Variants in EVC observed in about 807,000 individuals in gnomAD.
The protein encoded by EVC is evC complex member EVC.
A neutral mutation model predicts 118.9 loss-of-function variants in EVC; 116 were observed. That is an observed-to-expected ratio of 0.98 (90% CI 0.84 to 1.14). The LOEUF is 1.14. Ranked by LOEUF, EVC falls within the 50% of genes most tolerant of loss-of-function variation. The pLI, the probability that EVC is intolerant of heterozygous loss-of-function variation, is 0.00. For synonymous variants in EVC, 619 were observed against 534.7 expected, an observed-to-expected ratio of 1.16 and a Z score of -2.18; for missense variants, 1,401 against 1,246.4, an observed-to-expected ratio of 1.12 and a Z score of -1.87.
chr4:5,797,566 A>G (rs78270810), intron 14 of EVC, among the ~76,000 whole-genome samples: 1,948 of 152,260 alleles, frequency 0.013, 46 homozygotes, highest in African/African-American at 0.044. Flanking sequence ...ATCTCTTATA[A>G]GGACACCAGG....
At chr4:5,753,960 A>T (rs758314449) in intron 10 of EVC, 27 bp downstream of exon 10, 11 of 1,612,164 alleles carry the variant, frequency 6.8e-6, no homozygotes, top group Non-Finnish European at 9.3e-6. Flanking sequence ...GCCTCTGCAC[A>T]TGTGGGTGAG....
chr4:5,797,267 C>G (rs755128307), intron 14 of EVC, 35 bp downstream of exon 14: 16 of 1,526,886 alleles, frequency 1.0e-5, no homozygotes, highest in Non-Finnish European at 1.1e-5. Context: ...CCATTCCAGA[C>G]AGGCGGTGCC....
intron 11 of EVC, among the ~76,000 whole-genome samples, chr4:5,769,310 G>A (rs937404256): frequency 6.6e-6 from 1 of 152,018 alleles, no homozygotes; most frequent in African/African-American, 2.4e-5. Context: ...GAACAGCATG[G>A]GAAAGACCCA....
In EVC at chr4:5,756,199, C is replaced by T. The variant is rs1470178294; in HGVS notation, c.1465-65C>T. On this transcript the variant is annotated intron_variant, in intron 10 of 20. Coordinates refer to ENST00000264956, the MANE Select transcript of EVC (RefSeq NM_153717.3). The surrounding 1 kb of genome is among the most constrained non-coding windows in gnomAD (Gnocchi z 4.2). ...GAGATGCAGGGGATGGTTGGAGAAC[C>T]TTCTGGAAAAAAAAAAAAAAACCCT... The T allele has an allele frequency of 5.4e-6, 7 of 1,295,072 alleles. No individual in the cohort carries two copies. The highest frequency in any genetic ancestry group is 4.0e-5 in the Admixed American group (2 of 49,778). 80.2% of individuals were successfully genotyped at this position (1,295,072 alleles called of 1,614,324 possible).
Position 5,752,939 on chromosome 4 carries a change from C to G in EVC, c.1202C>G (p.Ser401Cys). ...ACCAGGTGCCGGCTGGCTGCCATCT[C>G]CCACGGCCTGGAGCTGCTGGCTGGT... ...EETRCRLAAI[S>C]HGLELLAGEG... Residue 401 changes from serine to cysteine, a missense_variant, in exon 9 of 21, where the codon TCC becomes TGC. Transcript: ENST00000264956. 6.2e-7 allele frequency: 1 copy of G among 1,614,150 alleles called. No homozygotes were observed. Among genetic ancestry groups the G allele is most frequent in the Non-Finnish European group, 8.5e-7 (1 of 1,180,042 alleles).
intron 11 of EVC, among the ~76,000 whole-genome samples, chr4:5,765,781 T>A (rs1024083882): frequency 6.7e-6 from 1 of 150,312 alleles, no homozygotes; most frequent in Non-Finnish European, 1.5e-5. Flanking sequence ...TCCTTTTATT[T>A]TGAGCCTATG....
intron 19 of EVC, 73 bp downstream of exon 19, chr4:5,809,684 G>T: frequency 7.6e-7 from 1 of 1,314,644 alleles, no homozygotes. Flanking sequence ...TTCCACACTG[G>T]CCACTAACTA....
Position 5,719,932 on chromosome 4 carries a change from C to G in EVC, c.300+559C>G, listed in dbSNP as rs1724656257. 6.6e-6 allele frequency among the ~76,000 whole-genome samples: 1 copy of G among 152,130 alleles called. No individual in the cohort carries two copies. The highest frequency in any genetic ancestry group is 1.5e-5 in the Non-Finnish European group (1 of 68,040). Reference sequence around the variant, plus strand: ...TCAGAATTTGACTGTAATGAATAAGCCTACTATGAATGTTGGTGCATAAGT... The same window carrying G: ...TCAGAATTTGACTGTAATGAATAAGGCTACTATGAATGTTGGTGCATAAGT... On this transcript the variant is annotated intron_variant, in intron 2 of 20. Transcript: ENST00000264956. This position sits in a 1 kb window ranked among gnomAD's most constrained non-coding sequence, Gnocchi z 4.7.
In EVC at chr4:5,756,395, C is replaced by A. The variant is rs751365816; in HGVS notation, c.1563+33C>A. 6.4e-7 allele frequency: 1 copy of A among 1,554,850 alleles called. No individual in the cohort carries two copies. Among genetic ancestry groups the A allele is most frequent in the Admixed American group, 1.8e-5 (1 of 55,010 alleles). ...GCCTCTGTGGGGACCAGCAGAGAAG[C>A]CCCAGGGTCTGTGTGTGTGCGAGAA... On this transcript the variant is annotated intron_variant, in intron 11 of 20. Transcript: ENST00000264956. The surrounding 1 kb of genome is among the most constrained non-coding windows in gnomAD (Gnocchi z 4.2).
At position 5,723,976 on chromosome 4, in the gene EVC, G is replaced by A. The variant is rs114952419; in HGVS notation, c.300+4603G>A. Among the ~76,000 whole-genome samples, 401 of 152,316 alleles carry A rather than the reference G, an allele frequency of 2.6e-3. 2 individuals carry two copies. Among genetic ancestry groups the A allele is most frequent in the African/African-American group, 8.6e-3 (359 of 41,584 alleles). On this transcript the variant is annotated intron_variant, in intron 2 of 20. Coordinates refer to ENST00000264956, the MANE Select transcript of EVC (RefSeq NM_153717.3). ...AGGCTCTGTACCCTCAGGTCAGAGGGAGGCCAGGAAGGATTTTAAGAGGCA... is the reference window on the plus strand; with the variant it reads ...AGGCTCTGTACCCTCAGGTCAGAGGAAGGCCAGGAAGGATTTTAAGAGGCA...
chr4:5,825,445 G>A, the EVC span: 5 of 1,522,434 alleles, frequency 3.3e-6, no homozygotes, highest in South Asian at 1.4e-5. The surrounding 1 kb of genome is among the most constrained non-coding windows in gnomAD (Gnocchi z 4.4). Context: ...GAAGGACTCG[G>A]CCTGAACTGC....
intron 1 of EVC, among the ~76,000 whole-genome samples, chr4:5,717,599 T>C (rs6829665): frequency 0.8 from 122,101 of 151,972 alleles, 49,402 homozygotes; most frequent in African/African-American, 0.89. Context: ...AATCTCTGGC[T>C]TCATCATCCA....
chr4:5,794,247 ATATTTATAT>A lies in EVC; in HGVS notation c.1886+531_1886+539del, dbSNP rs1713351504. ...GAAAAATATATATATATTTATATAT[ATATTTATAT>A]GTATTTATATATTTATATATATTTA... On this transcript the variant is annotated intron_variant, in intron 13 of 20. Transcript: ENST00000264956. 3.3e-5 allele frequency among the ~76,000 whole-genome samples: 4 copies of A among 119,432 alleles called. No homozygotes were observed. In the South Asian group the frequency reaches 9.5e-4, roughly 28 times the overall value. 78.4% of individuals were successfully genotyped at this position (119,432 alleles called of 152,430 possible).
chr4:5,798,573 C>G lies in EVC; in HGVS notation c.2098-13C>G, dbSNP rs112455789. 3 of 1,554,108 alleles carry G rather than the reference C, an allele frequency of 1.9e-6. No individual in the cohort carries two copies. Among genetic ancestry groups the G allele is most frequent in the Non-Finnish European group, 8.7e-7 (1 of 1,149,562 alleles). ...GAGCACTTGGCCCCTGCTCCCAGTC[C>G]TTTCCCTCCCAGGAGGCGCGTGTGC... On this transcript the variant is annotated splice_polypyrimidine_tract_variant and intron_variant, in intron 14 of 20. Transcript: ENST00000264956. The surrounding 1 kb of genome is among the most constrained non-coding windows in gnomAD (Gnocchi z 4.1).
At chr4:5,808,585 G>A (rs1716389614) in intron 18 of EVC, among the ~76,000 whole-genome samples, 1 of 152,218 alleles carries the variant, frequency 6.6e-6, no homozygotes, top group Non-Finnish European at 1.5e-5. Flanking sequence ...TGAGCAGCTG[G>A]TCAGGCCTCA....
chr4:5,772,186 G>A (rs1027590864), intron 11 of EVC, among the ~76,000 whole-genome samples: 6 of 152,138 alleles, frequency 3.9e-5, no homozygotes, highest in South Asian at 2.1e-4. Flanking sequence ...GTGAGCCACC[G>A]TGCCTGGCTG....
At chr4:5,803,595 T>C (rs778474589) in intron 16 of EVC, among the ~76,000 whole-genome samples, 1 of 152,214 alleles carries the variant, frequency 6.6e-6, no homozygotes, top group Non-Finnish European at 1.5e-5. Context: ...TGCTTCCTGA[T>C]ACCCCAGCTC....
the EVC span, among the ~76,000 whole-genome samples, chr4:5,822,834 CGTAA>C: frequency 6.6e-6 from 1 of 152,198 alleles, no homozygotes; most frequent in Non-Finnish European, 1.5e-5. Flanking sequence ...AACAGAAAAA[CGTAA>C]GTAAGTTAGC....
chr4:5,758,270 C>T, intron 11 of EVC: 1 of 586,690 alleles, frequency 1.7e-6, no homozygotes, highest in South Asian at 2.1e-5. Context: ...ATACTAATGC[C>T]CTCCGGAACG....
Sources: gnomAD v4.1 joint callset for allele counts (sites outside exome capture counted in the v4.1 genomes callset) on GRCh38, gnomAD v4.1.1 for gene constraint, Gnocchi (gnomAD v3.1) non-coding constraint, MANE v1.5 for transcripts, NCBI Gene and HGNC (gene_info 2026-07-23, HGNC 2026-07-21) for gene names.